Variants in HLA-DRB5 observed in about 807,000 individuals in gnomAD.
HLA-DRB5 encodes the protein major histocompatibility complex, class II, DR beta 5.
In HLA-DRB5, 11 loss-of-function variants were observed where a neutral mutation model predicts 22.4. The ratio of observed to expected loss-of-function variants is 0.49; its 90% CI spans 0.31 to 0.81. The LOEUF is 0.81. HLA-DRB5 is among the 40% of genes least tolerant of loss of function. The pLI, the probability that HLA-DRB5 is intolerant of heterozygous loss-of-function variation, is 0.05. For synonymous variants in HLA-DRB5, 57 were observed against 106.0 expected, an observed-to-expected ratio of 0.54 and a Z score of 2.84; for missense variants, 106 against 274.4, an observed-to-expected ratio of 0.39 and a Z score of 4.34.
rs79192142 is a variant in HLA-DRB5, at chr6:32,530,124, C to G, written c.100+1G>C. 61,198 of 1,328,312 alleles carry G rather than the reference C, an allele frequency of 0.046. 1,063 individuals are homozygous for G. The highest frequency in any genetic ancestry group is 0.13 in the African/African-American group (6,654 of 52,138). The allele number at this position is 1,328,312 out of a possible 1,614,324, so 82.3% of individuals were successfully genotyped here. On this transcript the variant is annotated splice_donor_variant, in intron 1 of 5. Transcript: ENST00000374975. LOFTEE classifies it high-confidence loss of function. Reference sequence around the variant, plus strand: ...GCTCAGCACCCACAATGTGCACTTACGTCGGGTGTCCCCAGCCAAAGCCAG... The same window carrying G: ...GCTCAGCACCCACAATGTGCACTTAGGTCGGGTGTCCCCAGCCAAAGCCAG...
intron 2 of HLA-DRB5, among the ~76,000 whole-genome samples, chr6:32,520,732 T>C (rs181903099): frequency 0.15 from 8,461 of 56,066 alleles, 1,402 homozygotes; most frequent in Non-Finnish European, 0.18. Context: ...AAATGATAGA[T>C]TTAAGATGGT....
chr6:32,524,566 A>C (rs1769358665), intron 1 of HLA-DRB5, among the ~76,000 whole-genome samples: 1 of 87,054 alleles, frequency 1.1e-5, no homozygotes, highest in Non-Finnish European at 2.3e-5. Context: ...CAGTTTACAA[A>C]ACATGAGCAG....
rs1768848552 is a variant in HLA-DRB5 at position 32,521,408 on chromosome 6, CT to C, written c.370+496del. 3.1e-5 allele frequency among the ~76,000 whole-genome samples: 4 copies of C among 127,832 alleles called. 1 individual carries two copies. Among genetic ancestry groups the C allele is most frequent in the African/African-American group, 1.2e-4 (4 of 34,410 alleles). The allele number at this position is 127,832 out of a possible 152,430, so 83.9% of individuals were successfully genotyped here. A position where few individuals can be genotyped will look rare whatever the true frequency, so the allele number is the denominator to read the frequency against. ...TGCTTTTGCAAACAAACACCACACA[CT>C]TTTATTTCAGAGACTGCGTGAAGGG... On this transcript the variant is annotated intron_variant, in intron 2 of 5. Transcript: ENST00000374975.
intron 1 of HLA-DRB5, among the ~76,000 whole-genome samples, chr6:32,524,181 C>G (rs149751241): frequency 0.17 from 17,496 of 102,536 alleles, 2,198 homozygotes; most frequent in African/African-American, 0.2. Flanking sequence ...CTTGGTCCTA[C>G]ATAAAACGAA....
At chr6:32,519,946 A>C (rs924192921) in intron 2 of HLA-DRB5, among the ~76,000 whole-genome samples, 1 of 70,516 alleles carries the variant, frequency 1.4e-5, no homozygotes. Flanking sequence ...TAAAACTGAT[A>C]CCTGAGCCAG....
At chr6:32,525,007 T>C (rs139308071) in intron 1 of HLA-DRB5, among the ~76,000 whole-genome samples, 1,390 of 32,786 alleles carry the variant, frequency 0.042, 486 homozygotes, top group Middle Eastern at 0.065. Context: ...GATAGACTTA[T>C]AGAACTTTTA....
intron 1 of HLA-DRB5, among the ~76,000 whole-genome samples, chr6:32,524,422 G>C (rs73726194): frequency 9.4e-6 from 1 of 105,890 alleles, no homozygotes; most frequent in Admixed American, 9.9e-5. Flanking sequence ...ACTAACTCAC[G>C]TCTTTCAGTC....
At position 32,521,954 on chromosome 6, in the gene HLA-DRB5, G is replaced by C. The variant is rs41554620; in HGVS notation, c.321C>G (p.Tyr107Ter). 0.076 allele frequency: 98,981 copies of C among 1,309,964 alleles called. 12,736 individuals carry two copies. Among genetic ancestry groups the C allele is most frequent in the East Asian group, 0.14 (5,451 of 38,356 alleles). The allele number at this position is 1,309,964 out of a possible 1,614,324, so 81.1% of individuals were successfully genotyped here. ...LEDRRAAVDT[Y>*]CRHNYGVGES... ...CACCAACCCCGTAGTTGTGTCTGCA[G>C]TAGGTGTCCACCGCGGCGCGCCTGT... The change falls in exon 2 of 6, where the codon TAC becomes TAG. Residue 107 changes from tyrosine (Y) to a stop codon, truncating the protein, a stop_gained. Transcript: ENST00000374975. LOFTEE classifies it high-confidence loss of function.
At chr6:32,519,762 C>T in intron 2 of HLA-DRB5, 111 bp from the exon 3 acceptor site, 1 of 466,382 alleles carries the variant, frequency 2.1e-6, no homozygotes, top group African/African-American at 3.5e-5. Context: ...GACCAGGCCT[C>T]CAGCACAGCT....
chr6:32,518,125 T>C lies in HLA-DRB5; in HGVS notation c.764-48A>G, dbSNP rs1768340562. 4 of 374,216 alleles carry C rather than the reference T, an allele frequency of 1.1e-5. 2 individuals are homozygous for C. In the African/African-American group the frequency reaches 2.2e-4, roughly 20 times the overall value. 23.2% of individuals were successfully genotyped at this position (374,216 alleles called of 1,614,324 possible). ...TACACTTAAAAGGTATGGAAGCAAA[T>C]CTATTCTCCCAACACAATGTCCTAG... is the stretch of plus-strand genomic sequence containing the variant. On this transcript the variant is annotated intron_variant, in intron 4 of 5. Transcript: ENST00000374975.
intron 1 of HLA-DRB5, among the ~76,000 whole-genome samples, chr6:32,528,990 T>A (rs1237586814): frequency 6.7e-6 from 1 of 148,442 alleles, no homozygotes; most frequent in Non-Finnish European, 1.5e-5. Flanking sequence ...GTGCTAAGGA[T>A]CTGTGCAAGC....
chr6:32,524,013 C>T (rs114190833), intron 1 of HLA-DRB5, among the ~76,000 whole-genome samples: 13,963 of 42,850 alleles, frequency 0.33, 4,593 homozygotes, highest in Middle Eastern at 0.49. Flanking sequence ...TCAAACATTG[C>T]CACAAGTTCC....
chr6:32,521,620 G>T (rs11752123), intron 2 of HLA-DRB5, among the ~76,000 whole-genome samples: 962 of 75,018 alleles, frequency 0.013, 20 homozygotes, highest in East Asian at 0.028. Flanking sequence ...CACCTCCCAT[G>T]TCACCTCCCC....
chr6:32,524,838 A>AATTAAATTT (rs1769404300), intron 1 of HLA-DRB5, among the ~76,000 whole-genome samples: 1 of 80,286 alleles, frequency 1.2e-5, no homozygotes, highest in Non-Finnish European at 2.5e-5. Flanking sequence ...GAGGATGCCC[A>AATTAAATTT]GGTAAATCTG....
chr6:32,526,048 T>A (rs201615543), intron 1 of HLA-DRB5, among the ~76,000 whole-genome samples: 16,105 of 61,730 alleles, frequency 0.26, 4,183 homozygotes, highest in Admixed American at 0.32. Flanking sequence ...CTTTTCCTTT[T>A]GATCCAGCTG....
At chr6:32,522,354 G>C (rs150158763) in intron 1 of HLA-DRB5, among the ~76,000 whole-genome samples, 180 bp from the exon 2 acceptor site, 4,070 of 31,472 alleles carry the variant, frequency 0.13, 1,858 homozygotes, top group Middle Eastern at 0.33. Flanking sequence ...GGCGAACGGG[G>C]TGTCTGGGGG....
At chr6:32,528,206 A>G (rs867817710) in intron 1 of HLA-DRB5, among the ~76,000 whole-genome samples, 605 of 52,692 alleles carry the variant, frequency 0.011, no homozygotes, top group Admixed American at 0.021. Flanking sequence ...GAACTAAAGT[A>G]GGTGAATCCA....
At chr6:32,526,864 C>T (rs74290586) in intron 1 of HLA-DRB5, among the ~76,000 whole-genome samples, 8,881 of 32,146 alleles carry the variant, frequency 0.28, 3,351 homozygotes, top group Middle Eastern at 0.52. Flanking sequence ...TTGCTCCACA[C>T]AAATGTCAAT....
In HLA-DRB5 at chr6:32,522,484, G is replaced by A. The variant is rs115196421; in HGVS notation, c.101-310C>T. On this transcript the variant is annotated intron_variant, in intron 1 of 5. Coordinates refer to ENST00000374975, the MANE Select transcript of HLA-DRB5 (RefSeq NM_002125.4). ...GGATCCGCCCAGCACCGGAGCCCGC[G>A]CCGCCTCCTCCTGGGAGCCTGCACC... Among the ~76,000 whole-genome samples the A allele has an allele frequency of 5.4e-3, 195 of 36,330 alleles. 31 individuals are homozygous for A. Among genetic ancestry groups the A allele is most frequent in the East Asian group, 0.044 (54 of 1,230 alleles). 23.8% of individuals were successfully genotyped at this position (36,330 alleles called of 152,430 possible). A position where few individuals can be genotyped will look rare whatever the true frequency, so the allele number is the denominator to read the frequency against.
Sources: gnomAD v4.1 joint callset for allele counts (sites outside exome capture counted in the v4.1 genomes callset) on GRCh38, gnomAD v4.1.1 for gene constraint, MANE v1.5 for transcripts, NCBI Gene and HGNC (gene_info 2026-07-23, HGNC 2026-07-21) for gene names.